GRK5: variants seen among roughly 807,000 people sequenced by gnomAD.
GRK5 encodes the protein G protein-coupled receptor kinase 5.
A neutral mutation model predicts 78.4 loss-of-function variants in GRK5; 40 were observed. That is an observed-to-expected ratio of 0.51 (90% CI 0.40 to 0.66). The LOEUF (loss-of-function observed/expected upper bound fraction) is 0.66. GRK5 is among the 30% of genes least tolerant of loss of function. The pLI, the probability that GRK5 is intolerant of heterozygous loss-of-function variation, is 0.00. For missense variants in GRK5, 598 were observed against 759.9 expected (o/e 0.79, Z 2.50); for synonymous variants, 289 against 296.8 (o/e 0.97, Z 0.27).
At chr10:119,317,653 C>T (rs895535844) in intron 1 of GRK5, among the ~76,000 whole-genome samples, 2 of 152,164 alleles carry the variant, frequency 1.3e-5, no homozygotes, top group African/African-American at 4.8e-5. Context: ...GAATGCCTGA[C>T]TCAAGTCAGG....
rs2133927196 is a variant in GRK5 at position 119,458,304 on chromosome 10, C to T, written c.*3237C>T. On this transcript the variant is annotated 3_prime_UTR_variant, in exon 16 of 16. Transcript: ENST00000392870. ...CTGCCATGGTCACCATGATGCCCTA[C>T]AAGTGTTTATTGAGTCCCCTGGGGG... is the stretch of plus-strand genomic sequence containing the variant. 6.6e-6 allele frequency: 1 copy of T among 152,362 alleles called. No individual in the cohort carries two copies. The highest frequency in any genetic ancestry group is 2.1e-4 in the South Asian group (1 of 4,826). The allele number at this position is 152,362 out of a possible 1,614,324, so 9.4% of individuals were successfully genotyped here.
At chr10:119,335,131 T>TGC (rs1850853857) in intron 2 of GRK5, 1 of 60,748 alleles carries the variant, frequency 1.6e-5, no homozygotes, top group Non-Finnish European at 3.2e-5. Flanking sequence ...CTGCCTTGCC[T>TGC]CTCTCTCTCT....
chr10:119,321,253 G>A (rs1850579857), intron 1 of GRK5, among the ~76,000 whole-genome samples: 1 of 152,194 alleles, frequency 6.6e-6, no homozygotes, highest in Non-Finnish European at 1.5e-5. Context: ...GTCATTTAGG[G>A]GGATCCCCTG....
intron 15 of GRK5, 67 bp downstream of exon 15, chr10:119,453,343 A>T: frequency 6.3e-7 from 1 of 1,579,348 alleles, no homozygotes; most frequent in Non-Finnish European, 8.7e-7. Flanking sequence ...TCCATGGGAA[A>T]CGAGAAGACC....
At chr10:119,209,531 T>C (rs142727423) in intron 1 of GRK5, among the ~76,000 whole-genome samples, 4 of 147,380 alleles carry the variant, frequency 2.7e-5, no homozygotes, top group African/African-American at 1.0e-4. Flanking sequence ...CTGACATTTT[T>C]AGTGGACAGG....
chr10:119,458,168 A>G lies in GRK5; in HGVS notation c.*3101A>G, dbSNP rs1853428801. Reference sequence around the variant, plus strand: ...TCCAGGCATGACATTTTTTTTCACCAGACGTTCACTGACTTCGTGACTTTG... The same window carrying G: ...TCCAGGCATGACATTTTTTTTCACCGGACGTTCACTGACTTCGTGACTTTG... On this transcript the variant is annotated 3_prime_UTR_variant, in exon 16 of 16. Transcript: ENST00000392870. 6.6e-6 allele frequency: 1 copy of G among 152,120 alleles called. No homozygotes were observed. The highest frequency in any genetic ancestry group is 1.5e-5 in the Non-Finnish European group (1 of 68,014). 9.4% of individuals were successfully genotyped at this position (152,120 alleles called of 1,614,324 possible). A position where few individuals can be genotyped will look rare whatever the true frequency, so the allele number is the denominator to read the frequency against.
intron 1 of GRK5, among the ~76,000 whole-genome samples, chr10:119,261,771 C>T (rs888850451): frequency 1.5e-3 from 230 of 152,322 alleles, no homozygotes; most frequent in African/African-American, 5.1e-3. Context: ...TGGCGGCGCG[C>T]GCCTGCAATT....
intron 4 of GRK5, among the ~76,000 whole-genome samples, chr10:119,417,332 T>G (rs1852477842): frequency 6.6e-6 from 1 of 152,196 alleles, no homozygotes; most frequent in South Asian, 2.1e-4. Context: ...CCTGCCTCAG[T>G]GTCTGAAATA....
intron 4 of GRK5, among the ~76,000 whole-genome samples, chr10:119,408,398 G>A (rs1204362659): frequency 6.8e-6 from 1 of 147,502 alleles, no homozygotes; most frequent in Non-Finnish European, 1.5e-5. Context: ...ATACTAGTGT[G>A]CAAATATTTA....
chr10:119,264,301 TAAAC>T lies in GRK5; in HGVS notation c.52+56336_52+56339del, dbSNP rs1026923512. Among the ~76,000 whole-genome samples, 2 of 152,024 alleles carry T rather than the reference TAAAC, an allele frequency of 1.3e-5. No individual in the cohort carries two copies. The highest frequency in any genetic ancestry group is 4.8e-5 in the African/African-American group (2 of 41,320). ...CTCCAACTAGCTTAAGCAAAACAAATAAACAAAAACCTCCAGGGCATTTGTTGGC... is the reference window on the plus strand; with the variant it reads ...CTCCAACTAGCTTAAGCAAAACAAATAAAAACCTCCAGGGCATTTGTTGGC... On this transcript the variant is annotated intron_variant, in intron 1 of 15. Coordinates refer to ENST00000392870, the MANE Select transcript of GRK5 (RefSeq NM_005308.3). This position sits in a 1 kb window ranked among gnomAD's most constrained non-coding sequence, Gnocchi z 4.1.
At chr10:119,212,511 C>G (rs544031252) in intron 1 of GRK5, among the ~76,000 whole-genome samples, 16 of 152,290 alleles carry the variant, frequency 1.1e-4, no homozygotes, top group African/African-American at 3.6e-4. Flanking sequence ...ATTTCAGGAG[C>G]GGGCTCAATG....
chr10:119,414,676 C>T (rs995537230), intron 4 of GRK5, among the ~76,000 whole-genome samples: 13 of 152,292 alleles, frequency 8.5e-5, no homozygotes, highest in South Asian at 6.2e-4. Context: ...CCTATTTCTG[C>T]GCCTGTGAAG....
intron 2 of GRK5, among the ~76,000 whole-genome samples, chr10:119,342,916 A>G (rs1335726062): frequency 6.6e-6 from 1 of 151,938 alleles, no homozygotes; most frequent in East Asian, 1.9e-4. Flanking sequence ...CCCTCATCTC[A>G]TTCATCCTTC....
In GRK5 at chr10:119,264,541, CA is replaced by C. The variant is rs1849463068; in HGVS notation, c.52+56574del. On this transcript the variant is annotated intron_variant, in intron 1 of 15. Coordinates refer to ENST00000392870, the MANE Select transcript of GRK5 (RefSeq NM_005308.3). The surrounding 1 kb of genome is among the most constrained non-coding windows in gnomAD (Gnocchi z 4.1). Reference sequence around the variant, plus strand: ...GTCCTTAAAGTTAGCTATCCCTCAGCAAGAAAGACCACCTCTCCCAGCAGCT... The same window carrying C: ...GTCCTTAAAGTTAGCTATCCCTCAGCAGAAAGACCACCTCTCCCAGCAGCT... Among the ~76,000 whole-genome samples, 1 of 152,160 alleles carries C rather than the reference CA, an allele frequency of 6.6e-6. No individual in the cohort carries two copies. The highest frequency in any genetic ancestry group is 2.4e-5 in the African/African-American group (1 of 41,430).
chr10:119,455,140 C>T lies in GRK5; in HGVS notation c.*73C>T. On this transcript the variant is annotated 3_prime_UTR_variant, in exon 16 of 16. Transcript: ENST00000392870. ...CTCCTTAGAAGTGGAAGTAGTGGAG[C>T]CCCTGCTCTGGTGGGGCTGCCAGGG... is the stretch of plus-strand genomic sequence containing the variant. 8.1e-7 allele frequency: 1 copy of T among 1,227,840 alleles called. No individual in the cohort carries two copies. The highest frequency in any genetic ancestry group is 1.2e-6 in the Non-Finnish European group (1 of 832,368). 76.1% of individuals were successfully genotyped at this position (1,227,840 alleles called of 1,614,324 possible).
At chr10:119,230,830 CAA>C (rs5788332) in intron 1 of GRK5, among the ~76,000 whole-genome samples, 503 of 61,486 alleles carry the variant, frequency 8.2e-3, no homozygotes, top group Middle Eastern at 0.015. Flanking sequence ...GACCCTATCT[CAA>C]AAAAAAAAAA....
At chr10:119,350,820 G>A (rs1458995524) in intron 2 of GRK5, among the ~76,000 whole-genome samples, 1 of 152,218 alleles carries the variant, frequency 6.6e-6, no homozygotes, top group Non-Finnish European at 1.5e-5. Flanking sequence ...TGTAATGTTT[G>A]ATAGAACATG....
intron 2 of GRK5, among the ~76,000 whole-genome samples, chr10:119,374,132 C>G (rs1481432255): frequency 6.6e-6 from 1 of 152,214 alleles, no homozygotes; most frequent in Non-Finnish European, 1.5e-5. Flanking sequence ...GGAATCTGGT[C>G]TAAGTCCCTG....
At chr10:119,424,875 C>T (rs1852641619) in intron 5 of GRK5, 118 bp from the exon 6 acceptor site, 1 of 735,656 alleles carries the variant, frequency 1.4e-6, no homozygotes, top group African/African-American at 1.7e-5. Context: ...AGACGTGCTG[C>T]ATCTGCATGG....
Sources: gnomAD v4.1 joint callset for allele counts (sites outside exome capture counted in the v4.1 genomes callset) on GRCh38, gnomAD v4.1.1 for gene constraint, Gnocchi (gnomAD v3.1) non-coding constraint, MANE v1.5 for transcripts, NCBI Gene and HGNC (gene_info 2026-07-23, HGNC 2026-07-21) for gene names.